The following TRAK1 variants were observed in gnomAD, a reference collection of about 807,000 sequenced individuals.
TRAK1 encodes the protein trafficking kinesin-binding protein 1.
In TRAK1, 33 loss-of-function variants were observed where a neutral mutation model predicts 92.1. The ratio of observed to expected loss-of-function variants is 0.36; its 90% confidence interval spans 0.27 to 0.48. The LOEUF (loss-of-function observed/expected upper bound fraction) is 0.48, where lower values mean the gene tolerates loss of function less well. TRAK1 is among the 20% of genes least tolerant of loss of function. TRAK1 has a pLI of 0.99. For synonymous variants in TRAK1, 521 were observed against 517.3 expected (o/e 1.01, Z -0.10); for missense variants, 1,123 against 1,257.9 (o/e 0.89, Z 1.62).
At position 42,091,434 on chromosome 3, in the gene TRAK1, T is replaced by A; in HGVS notation, c.-36T>A. ...GCTGAGCTCTCATGGAGGCTCTCTCTGTTCTCTGAAGTGCCTTTGGAGTTT... is the reference window on the plus strand; with the variant it reads ...GCTGAGCTCTCATGGAGGCTCTCTCAGTTCTCTGAAGTGCCTTTGGAGTTT... On this transcript the variant is annotated 5_prime_UTR_variant, in exon 1 of 16. Coordinates refer to ENST00000327628, the MANE Select transcript of TRAK1 (RefSeq NM_001042646.3). 13 of 1,598,888 alleles carry A rather than the reference T, an allele frequency of 8.1e-6. No individual in the cohort carries two copies. Among genetic ancestry groups the A allele is most frequent in the Non-Finnish European group, 1.1e-5 (13 of 1,168,072 alleles).
intron 1 of TRAK1, among the ~76,000 whole-genome samples, chr3:42,067,800 G>A (rs1559734465): frequency 6.6e-6 from 1 of 151,248 alleles, no homozygotes; most frequent in Admixed American, 6.6e-5. Flanking sequence ...GGCCTATCAC[G>A]TAGTTAGTTT....
intron 1 of TRAK1, among the ~76,000 whole-genome samples, chr3:42,096,777 C>T (rs539807557): frequency 6.6e-6 from 1 of 152,206 alleles, no homozygotes; most frequent in Non-Finnish European, 1.5e-5. Flanking sequence ...CAAGACAGAA[C>T]CACTGCAGCA....
At chr3:42,181,251 A>G (rs1703956052) in intron 3 of TRAK1, among the ~76,000 whole-genome samples, 1 of 152,244 alleles carries the variant, frequency 6.6e-6, no homozygotes, top group African/African-American at 2.4e-5. Context: ...TGCGTACAAA[A>G]TGCGGCTAAA....
intron 1 of TRAK1, among the ~76,000 whole-genome samples, chr3:42,045,461 G>A (rs952566562): frequency 1.3e-5 from 2 of 152,170 alleles, no homozygotes; most frequent in African/African-American, 4.8e-5. Context: ...CTTGAACCCA[G>A]GAGGCAGAGG....
rs369981537 is a variant in TRAK1 at position 42,223,067 on chromosome 3, C to T, written c.2192C>T (p.Thr731Met). The T allele has an allele frequency of 3.7e-6, 6 of 1,613,960 alleles. No individual in the cohort carries two copies. The highest frequency in any genetic ancestry group is 2.5e-6 in the Non-Finnish European group (3 of 1,180,034). The change falls in exon 16 of 16, where the codon ACG becomes ATG. Residue 731 changes from threonine to methionine, a missense_variant. Transcript: ENST00000327628. This position sits in a 1 kb window ranked among gnomAD's most constrained non-coding sequence, Gnocchi z 6.1. ...TCCTTCACTAACACCCGTGAGTCCA[C>T]GACCACCATGAGCACATCCCTGGGG... ...AESFTNTRES[T>M]TTMSTSLGLV...
intron 11 of TRAK1, 120 bp from the exon 12 acceptor site, chr3:42,200,698 C>T: frequency 2.1e-6 from 2 of 951,632 alleles, no homozygotes; most frequent in South Asian, 3.0e-5. Context: ...GGATAGCAGG[C>T]TGCTGGGGGA....
intron 2 of TRAK1, among the ~76,000 whole-genome samples, chr3:42,131,826 G>A (rs1697236177): frequency 6.6e-6 from 1 of 151,774 alleles, no homozygotes; most frequent in Non-Finnish European, 1.5e-5. Context: ...AGGAGGCCAA[G>A]GCAGGCAGAT....
chr3:42,164,225 G>A (rs902840450), intron 2 of TRAK1, among the ~76,000 whole-genome samples: 8 of 152,184 alleles, frequency 5.3e-5, no homozygotes, highest in African/African-American at 9.7e-5. Flanking sequence ...ATCTAACCGT[G>A]TTACCTGGAT....
chr3:42,136,061 C>T (rs1462996993), intron 2 of TRAK1, among the ~76,000 whole-genome samples: 1 of 152,148 alleles, frequency 6.6e-6, no homozygotes, highest in East Asian at 1.9e-4. Context: ...AAGTTTGTAC[C>T]TCAGTCCTGG....
At chr3:42,192,870 A>T (rs896846595) in intron 7 of TRAK1, among the ~76,000 whole-genome samples, 1 of 152,174 alleles carries the variant, frequency 6.6e-6, no homozygotes, top group South Asian at 2.1e-4. Flanking sequence ...ATTCTTTTTC[A>T]TAACTGATTG....
intron 13 of TRAK1, among the ~76,000 whole-genome samples, chr3:42,206,639 G>T (rs942879657): frequency 3.3e-5 from 5 of 152,156 alleles, no homozygotes; most frequent in African/African-American, 1.2e-4. Flanking sequence ...AGTGTCTGGC[G>T]CTTAGTAAAA....
chr3:42,089,733 A>T (rs963119110), upstream of TRAK1, among the ~76,000 whole-genome samples: 2 of 130,770 alleles, frequency 1.5e-5, no homozygotes, highest in East Asian at 2.3e-4. Context: ...TTCCTGTTTA[A>T]TTTTTTCCCC....
intron 1 of TRAK1, among the ~76,000 whole-genome samples, chr3:42,121,818 A>G (rs1709916943): frequency 6.6e-6 from 1 of 151,650 alleles, no homozygotes; most frequent in South Asian, 2.1e-4. Flanking sequence ...AATCAAATAT[A>G]CAGTTGTTTT....
chr3:42,079,483 T>TTG (rs1316128112), intron 1 of TRAK1, among the ~76,000 whole-genome samples: 3 of 149,430 alleles, frequency 2.0e-5, no homozygotes, highest in East Asian at 3.9e-4. Context: ...TCTTCTTTTT[T>TTG]TTTTTTTTTT....
At chr3:42,018,342 C>T (rs1701606700) in intron 1 of TRAK1, among the ~76,000 whole-genome samples, 1 of 151,904 alleles carries the variant, frequency 6.6e-6, no homozygotes, top group South Asian at 2.1e-4. Context: ...CCCTGAGGTT[C>T]TGGGGAATCC....
chr3:42,205,247 C>T (rs1254229464), intron 13 of TRAK1, among the ~76,000 whole-genome samples: 1 of 152,120 alleles, frequency 6.6e-6, no homozygotes, highest in Non-Finnish European at 1.5e-5. Flanking sequence ...TGGACCAGCA[C>T]TAGGGTCATG....
chr3:42,050,504 G>C (rs1028484866), intron 1 of TRAK1, among the ~76,000 whole-genome samples: 1 of 152,040 alleles, frequency 6.6e-6, no homozygotes, highest in Non-Finnish European at 1.5e-5. Context: ...AGAGTTCATC[G>C]CTTTTCCTTG....
intron 1 of TRAK1, among the ~76,000 whole-genome samples, chr3:42,062,987 T>C (rs59983764): frequency 0.19 from 28,846 of 152,174 alleles, 3,341 homozygotes; most frequent in African/African-American, 0.32. Flanking sequence ...ATGGAGGACG[T>C]GCTTCAGAAA....
chr3:42,191,014 G>A (rs1336682622), intron 6 of TRAK1, among the ~76,000 whole-genome samples: 1 of 152,146 alleles, frequency 6.6e-6, no homozygotes, highest in Non-Finnish European at 1.5e-5. Flanking sequence ...TCCTGGGGTG[G>A]CTCTTGTGCC....
Sources: allele counts gnomAD v4.1 joint callset (sites outside exome capture counted in the v4.1 genomes callset), GRCh38; gene constraint gnomAD v4.1.1; non-coding constraint Gnocchi (gnomAD v3.1); transcripts MANE v1.5; gene names NCBI Gene and HGNC (gene_info 2026-07-23, HGNC 2026-07-21).